Variants in CDC25B observed in about 807,000 individuals in gnomAD.
The protein encoded by CDC25B is M-phase inducer phosphatase 2.
Under a neutral mutation model 69.8 loss-of-function variants are expected in CDC25B, and 33 were observed. The ratio of observed to expected loss-of-function variants is 0.47; its 90% CI spans 0.36 to 0.63. The LOEUF is 0.63. Among genes scored for constraint, CDC25B ranks in the 30% least tolerant of loss-of-function variants. CDC25B has a pLI of 0.00. For missense variants in CDC25B, 727 were observed against 809.1 expected (o/e 0.90, Z 1.23); for synonymous variants, 341 against 314.6 (o/e 1.08, Z -0.89).
chr20:3,787,900 C>T (rs868341151), intron 1 of CDC25B, among the ~76,000 whole-genome samples: 2 of 152,112 alleles, frequency 1.3e-5, no homozygotes, highest in Middle Eastern at 3.4e-3. Context: ...TTTAGGAGGC[C>T]GAAGCAGGCG....
Position 3,803,467 on chromosome 20 carries a change from C to T in CDC25B, c.1420C>T (p.Pro474Ser), listed in dbSNP as rs763791017. 1 of 1,614,068 alleles carries T rather than the reference C, an allele frequency of 6.2e-7. No homozygotes were observed. Among genetic ancestry groups the T allele is most frequent in the South Asian group, 1.1e-5 (1 of 91,080 alleles). The change falls in exon 14 of 16, where the codon CCC (proline) becomes TCC (serine). Residue 474 changes from proline to serine, a missense_variant. Transcript: ENST00000245960. The surrounding 1 kb of genome is among the most constrained non-coding windows in gnomAD (Gnocchi z 4.9). ...ESFLLKSPIA[P>S]CSLDKRVILI... ...CTTCCTACTGAAGAGCCCCATCGCGCCCTGTAGCCTGGACAAGAGAGTCAT... is the reference window on the plus strand; with the variant it reads ...CTTCCTACTGAAGAGCCCCATCGCGTCCTGTAGCCTGGACAAGAGAGTCAT...
At chr20:3,795,877 C>G, upstream of CDC25B, 2 of 985,386 alleles carry the variant, frequency 2.0e-6, no homozygotes, top group Non-Finnish European at 2.4e-6. Flanking sequence ...CCTCAGCGTC[C>G]AGGTCTGTAA....
intron 4 of CDC25B, 37 bp downstream of exon 4, chr20:3,800,366 T>G (rs540409296): frequency 1.2e-6 from 2 of 1,613,886 alleles, no homozygotes; most frequent in South Asian, 1.1e-5. Flanking sequence ...TACCACAAGC[T>G]TTCCCTTAGG....
At chr20:3,796,989 C>A (rs1324958681) in intron 1 of CDC25B, among the ~76,000 whole-genome samples, 2 of 152,176 alleles carry the variant, frequency 1.3e-5, no homozygotes, top group Non-Finnish European at 2.9e-5. Flanking sequence ...CCCCTCACTC[C>A]CTCCTCCCTC....
rs1217802585 is a variant in CDC25B, at chr20:3,796,418, T to TC, written c.-102dup. On this transcript the variant is annotated 5_prime_UTR_variant, in exon 1 of 16. Transcript: ENST00000245960. ...CTGTGGCTCTTCCTCCCTCCCTCCT[T>TC]CCCCCCCCCCCCACCCCTCGCCCGC... is the stretch of plus-strand genomic sequence containing the variant. The TC allele has an allele frequency of 0.25, 37,258 of 150,782 alleles. 1,081 individuals carry two copies. The highest frequency in any genetic ancestry group is 0.36 in the African/African-American group (2,063 of 5,662). 9.3% of individuals were successfully genotyped at this position (150,782 alleles called of 1,614,324 possible).
chr20:3,802,436 T>C (rs2089321442), intron 11 of CDC25B, 60 bp downstream of exon 11: 2 of 1,194,888 alleles, frequency 1.7e-6, no homozygotes, highest in African/African-American at 3.0e-5. Context: ...CTAGGGGTCC[T>C]CTAGCCCAGG....
intron 5 of CDC25B, 51 bp from the exon 6 acceptor site, chr20:3,800,692 G>A (rs534156738): frequency 9.2e-5 from 147 of 1,600,800 alleles, no homozygotes; most frequent in Non-Finnish European, 1.2e-4. Context: ...GGCTCGTGCC[G>A]GAGGAATGCA....
Position 3,805,088 on chromosome 20 carries a change from GT to G in CDC25B, c.*128del, listed in dbSNP as rs201707296. 2.0e-3 allele frequency: 1,839 copies of G among 933,954 alleles called. 22 individuals are homozygous for G. The African/African-American group carries it at 0.028, about 14-fold the overall frequency. 57.9% of individuals were successfully genotyped at this position (933,954 alleles called of 1,614,324 possible). A position where few individuals can be genotyped will look rare whatever the true frequency, so the allele number is the denominator to read the frequency against. ...TGTCCATGGGAAAGATGGTGTGGGT[GT>G]CCTGCCTGTCTGCCCCAGCCCAGAT... is the stretch of plus-strand genomic sequence containing the variant. On this transcript the variant is annotated 3_prime_UTR_variant, in exon 16 of 16. Coordinates refer to ENST00000245960, the MANE Select transcript of CDC25B (RefSeq NM_021873.4).
rs911410834 is a variant in CDC25B, at chr20:3,787,035, T to G, written c.-97T>G. 56 of 615,360 alleles carry G rather than the reference T, an allele frequency of 9.1e-5. No individual in the cohort carries two copies. In the African/African-American group the frequency reaches 9.8e-4, roughly 11 times the overall value. 38.1% of individuals were successfully genotyped at this position (615,360 alleles called of 1,614,324 possible). On this transcript the variant is annotated 5_prime_UTR_variant, in exon 1 of 16. Coordinates refer to the CDC25B transcript ENST00000344256. ...AAGAACCAGGGTTTTTGTTTGTTTT[T>G]TTTTTTTTTAATTAAGGTAAAAATA...
chr20:3,802,203 G>A, intron 10 of CDC25B, 78 bp from the exon 11 acceptor site: 1 of 1,557,330 alleles, frequency 6.4e-7, no homozygotes, highest in Non-Finnish European at 8.8e-7. Context: ...GCATGGCAGA[G>A]AAAGGGGGTA....
Position 3,796,625 on chromosome 20 carries a change from C to A in CDC25B, c.94C>A (p.Leu32Ile). The A allele has an allele frequency of 6.9e-7, 1 of 1,455,494 alleles. No homozygotes were observed. The highest frequency in any genetic ancestry group is 1.4e-5 in the South Asian group (1 of 71,656). 90.2% of individuals were successfully genotyped at this position (1,455,494 alleles called of 1,614,324 possible). The change falls in exon 1 of 16, where the codon CTC becomes ATC. Residue 32 changes from leucine to isoleucine, a missense_variant. Physicochemically the swap from Leu to Ile is conservative, Grantham distance 5. Transcript: ENST00000245960. The stretch of plus-strand genomic sequence containing the variant: ...CCAGCGTCCGGGCCACCTCCCGGGC[C>A]TCCTGCTGGGATCTCATGGCCTCCT... ...GAQRPGHLPG[L>I]LLGSHGLLGS... is the part of the protein sequence containing the mutation.
At chr20:3,801,844 G>A in intron 9 of CDC25B, 42 bp downstream of exon 9, 2 of 1,583,648 alleles carry the variant, frequency 1.3e-6, no homozygotes, top group Non-Finnish European at 1.7e-6. Context: ...GGAGGCATGG[G>A]GTCCATCCTA....
rs2089353014 is a variant in CDC25B, at chr20:3,803,288, G to A, written c.1356+82G>A. On this transcript the variant is annotated intron_variant, in intron 13 of 15. Coordinates refer to ENST00000245960, the MANE Select transcript of CDC25B (RefSeq NM_021873.4). This position sits in a 1 kb window ranked among gnomAD's most constrained non-coding sequence, Gnocchi z 4.9. ...TTTGCCAAGAGGGTGAATGGGTGGA[G>A]GACGGGTGCCCCCTCTCATGGGGAG... The A allele has an allele frequency of 6.4e-7, 1 of 1,572,478 alleles. No homozygotes were observed. Among genetic ancestry groups the A allele is most frequent in the Non-Finnish European group, 8.7e-7 (1 of 1,147,054 alleles).
intron 1 of CDC25B, among the ~76,000 whole-genome samples, chr20:3,787,636 C>T (rs536537930): frequency 1.1e-4 from 17 of 152,212 alleles, no homozygotes; most frequent in African/African-American, 4.1e-4. Flanking sequence ...CATTAAAATG[C>T]CAAGCTCTTA....
upstream of CDC25B, among the ~76,000 whole-genome samples, chr20:3,793,951 G>T (rs1248568971): frequency 1.3e-5 from 2 of 148,796 alleles, no homozygotes; most frequent in Admixed American, 1.3e-4. Context: ...TGGCTGCATA[G>T]TATTCCATGG....
chr20:3,796,322 G>A lies in CDC25B; in HGVS notation c.-210G>A. The A allele has an allele frequency of 1.5e-6, 2 of 1,326,722 alleles. No homozygotes were observed. The highest frequency in any genetic ancestry group is 1.9e-6 in the Non-Finnish European group (2 of 1,042,774). 82.2% of individuals were successfully genotyped at this position (1,326,722 alleles called of 1,614,324 possible). A position where few individuals can be genotyped will look rare whatever the true frequency, so the allele number is the denominator to read the frequency against. On this transcript the variant is annotated 5_prime_UTR_variant, in exon 1 of 16. Transcript: ENST00000245960. ...GGCAGCTGCAACTAGAGGCTTCCCT[G>A]GCTGGTGCCTGAGCCCGGCGTCCCT...
intron 1 of CDC25B, among the ~76,000 whole-genome samples, 188 bp downstream of exon 1, chr20:3,796,919 G>GC (rs1409159321): frequency 1.3e-5 from 2 of 152,026 alleles, no homozygotes; most frequent in African/African-American, 2.4e-5. Context: ...CCTGGGCTGT[G>GC]CCCCCCACAC....
intron 3 of CDC25B, among the ~76,000 whole-genome samples, chr20:3,799,886 C>T (rs1432845806): frequency 2.0e-5 from 3 of 152,122 alleles, no homozygotes; most frequent in African/African-American, 7.2e-5. Context: ...TTGCTGGGTG[C>T]CCCTGGCCTA....
chr20:3,805,374 G>A lies in CDC25B; in HGVS notation c.*413G>A, dbSNP rs996744511. Reference sequence around the variant, plus strand: ...TCAGAGCTAAACTCCTTCCTGGCCTGAGAGTCAGCTCTCTGCCCTGTGTAC... The same window carrying A: ...TCAGAGCTAAACTCCTTCCTGGCCTAAGAGTCAGCTCTCTGCCCTGTGTAC... On this transcript the variant is annotated 3_prime_UTR_variant, in exon 16 of 16. Transcript: ENST00000245960. 3.8e-6 allele frequency: 1 copy of A among 261,194 alleles called. No individual in the cohort carries two copies. Among genetic ancestry groups the A allele is most frequent in the Non-Finnish European group, 7.4e-6 (1 of 135,506 alleles). 16.2% of individuals were successfully genotyped at this position (261,194 alleles called of 1,614,324 possible). A position where few individuals can be genotyped will look rare whatever the true frequency, so the allele number is the denominator to read the frequency against.
Sources: allele counts gnomAD v4.1 joint callset (sites outside exome capture counted in the v4.1 genomes callset), GRCh38; gene constraint gnomAD v4.1.1; non-coding constraint Gnocchi (gnomAD v3.1); transcripts MANE v1.5; gene names NCBI Gene and HGNC (gene_info 2026-07-23, HGNC 2026-07-21).